FHIT: variants seen among roughly 807,000 people sequenced by gnomAD.
FHIT encodes the protein fragile histidine triad diadenosine triphosphatase, also known as bis(5'-adenosyl)-triphosphatase.
FHIT carries 19 observed loss-of-function variants against 17.9 expected under a neutral mutation model. That is an observed-to-expected ratio of 1.06 (90% CI 0.74 to 1.56). FHIT has a LOEUF of 1.56. Ranked by LOEUF, FHIT falls within the 40% of genes most tolerant of loss-of-function variation. The pLI is 0.00. For synonymous variants in FHIT, 81 were observed against 69.7 expected, an observed-to-expected ratio of 1.16 and a Z score of -0.81; for missense variants, 248 against 189.2, an observed-to-expected ratio of 1.31 and a Z score of -1.82.
intron 8 of FHIT, among the ~76,000 whole-genome samples, chr3:59,774,613 C>T (rs1398190865): frequency 2.0e-5 from 3 of 152,210 alleles, no homozygotes; most frequent in Non-Finnish European, 4.4e-5. Flanking sequence ...AATATTACTG[C>T]TAGCAGTTAT....
intron 1 of FHIT, among the ~76,000 whole-genome samples, chr3:61,242,019 A>C (rs138314241): frequency 3.0e-4 from 46 of 152,330 alleles, no homozygotes; most frequent in Admixed American, 1.6e-3. Context: ...GGTGGGCAGA[A>C]AGGTTCAGGA....
At chr3:60,365,839 C>G (rs529818109) in intron 5 of FHIT, among the ~76,000 whole-genome samples, 1 of 152,114 alleles carries the variant, frequency 6.6e-6, no homozygotes, top group African/African-American at 2.4e-5. Flanking sequence ...CATTATGGAA[C>G]ATTTTTCTTC....
At chr3:60,360,145 C>G (rs942672094) in intron 5 of FHIT, among the ~76,000 whole-genome samples, 1 of 151,840 alleles carries the variant, frequency 6.6e-6, no homozygotes, top group South Asian at 2.1e-4. Context: ...ATATTAAACT[C>G]CATAATCTTA....
At chr3:60,400,731 G>A (rs1306969560) in intron 5 of FHIT, among the ~76,000 whole-genome samples, 1 of 152,088 alleles carries the variant, frequency 6.6e-6, no homozygotes, top group Non-Finnish European at 1.5e-5. Flanking sequence ...TTTGCACTTA[G>A]ATCATTAGAG....
intron 5 of FHIT, among the ~76,000 whole-genome samples, chr3:60,358,728 T>C (rs1699777724): frequency 6.6e-6 from 1 of 152,218 alleles, no homozygotes; most frequent in African/African-American, 2.4e-5. Context: ...CCTGCATTTA[T>C]GGCACATCAA....
At chr3:60,648,447 C>T (rs1318671098) in intron 4 of FHIT, among the ~76,000 whole-genome samples, 1 of 152,026 alleles carries the variant, frequency 6.6e-6, no homozygotes, top group Non-Finnish European at 1.5e-5. Context: ...GGTACTTTAT[C>T]TCCCTGGTCT....
rs139240637 is a variant in FHIT at position 59,748,147 on chromosome 3, G to A, written c.*1438C>T. ...ATCATCAGCATTGTTTTTCTCTTAT[G>A]TTTATTTTTATGCTTAACTTCTAAT... On this transcript the variant is annotated 3_prime_UTR_variant, in exon 10 of 10. Transcript: ENST00000492590. 5.9e-5 allele frequency among the ~76,000 whole-genome samples: 9 copies of A among 152,044 alleles called. No individual in the cohort carries two copies. In the East Asian group the frequency reaches 1.7e-3, roughly 29 times the overall value.
chr3:60,614,034 G>C (rs1371580291), intron 4 of FHIT, among the ~76,000 whole-genome samples: 2 of 152,110 alleles, frequency 1.3e-5, no homozygotes, highest in Non-Finnish European at 2.9e-5. Flanking sequence ...AGTGATACAG[G>C]TTGTGGGTGG....
Position 60,576,848 on chromosome 3 carries a change from T to G in FHIT, c.-17-39869A>C, listed in dbSNP as rs187168177. On this transcript the variant is annotated intron_variant, in intron 4 of 9. Transcript: ENST00000492590. Reference sequence around the variant, plus strand: ...ACCTATCCCCCTAAAGCCCACTTTATTAATATACATTTTACTAGGCACTTT... The same window carrying G: ...ACCTATCCCCCTAAAGCCCACTTTAGTAATATACATTTTACTAGGCACTTT... Among the ~76,000 whole-genome samples the G allele has an allele frequency of 7.9e-5, 12 of 152,160 alleles. No individual in the cohort carries two copies. The East Asian group carries it at 2.3e-3, about 29-fold the overall frequency.
At chr3:60,790,489 A>G (rs1700737492) in intron 4 of FHIT, among the ~76,000 whole-genome samples, 1 of 152,218 alleles carries the variant, frequency 6.6e-6, no homozygotes, top group Non-Finnish European at 1.5e-5. Flanking sequence ...CTGAGTTATC[A>G]CAACAGGATC....
chr3:60,404,856 A>G (rs13087174), intron 5 of FHIT, among the ~76,000 whole-genome samples: 1 of 152,192 alleles, frequency 6.6e-6, no homozygotes, highest in Non-Finnish European at 1.5e-5. Context: ...TCACTTTTCC[A>G]AGTTCCCATT....
At chr3:60,311,088 C>T (rs1158820458) in intron 5 of FHIT, among the ~76,000 whole-genome samples, 3 of 152,154 alleles carry the variant, frequency 2.0e-5, no homozygotes, top group South Asian at 2.1e-4. Context: ...ATTAACCCAA[C>T]GTCATCCCTT....
intron 1 of FHIT, among the ~76,000 whole-genome samples, chr3:61,246,138 T>C (rs1172560071): frequency 1.3e-5 from 2 of 152,216 alleles, no homozygotes; most frequent in Non-Finnish European, 2.9e-5. Context: ...CCCTATATGG[T>C]CTAAAAAGAG....
chr3:60,973,793 A>C (rs750624073), intron 3 of FHIT, among the ~76,000 whole-genome samples: 27 of 152,188 alleles, frequency 1.8e-4, no homozygotes, highest in Non-Finnish European at 2.8e-4. Context: ...TTTCTCAAGT[A>C]GGAGTATGGA....
At chr3:60,388,834 T>C (rs1294747122) in intron 5 of FHIT, among the ~76,000 whole-genome samples, 3 of 152,162 alleles carry the variant, frequency 2.0e-5, no homozygotes, top group African/African-American at 7.2e-5. Flanking sequence ...GGCTAGGGAC[T>C]ACTGTCATCT....
intron 2 of FHIT, among the ~76,000 whole-genome samples, chr3:61,191,024 A>G (rs1341425920): frequency 2.0e-5 from 3 of 152,084 alleles, no homozygotes; most frequent in African/African-American, 7.2e-5. Flanking sequence ...TGGCACATGT[A>G]TACATATGTA....
intron 5 of FHIT, among the ~76,000 whole-genome samples, chr3:60,365,866 T>C (rs1700086214): frequency 6.6e-6 from 1 of 152,152 alleles, no homozygotes; most frequent in Non-Finnish European, 1.5e-5. Flanking sequence ...TGAAAATACG[T>C]AACAACAAAA....
intron 5 of FHIT, among the ~76,000 whole-genome samples, chr3:60,217,542 C>G (rs1256455007): frequency 2.0e-5 from 3 of 152,178 alleles, no homozygotes; most frequent in Non-Finnish European, 2.9e-5. Context: ...TCATATCACC[C>G]TAACACCCCC....
chr3:60,035,490 G>T (rs1248139498), intron 5 of FHIT, among the ~76,000 whole-genome samples: 2 of 152,180 alleles, frequency 1.3e-5, no homozygotes, highest in Admixed American at 6.5e-5. Context: ...AAAGTGTTGG[G>T]ATTACAGGCG....
Sources: gnomAD v4.1 joint callset for allele counts (sites outside exome capture counted in the v4.1 genomes callset) on GRCh38, gnomAD v4.1.1 for gene constraint, MANE v1.5 for transcripts, NCBI Gene and HGNC (gene_info 2026-07-23, HGNC 2026-07-21) for gene names.